Variants in FBXW8 observed in about 807,000 individuals in gnomAD.
FBXW8 encodes F-box and WD repeat domain containing 8.
A neutral mutation model predicts 65.3 loss-of-function variants in FBXW8; 57 were observed. That is an observed-to-expected ratio of 0.87 (90% CI 0.71 to 1.09). FBXW8 has a LOEUF of 1.09. Ranked by LOEUF, FBXW8 falls within the 50% of genes least tolerant of loss-of-function variation. The probability of loss-of-function intolerance (pLI) is 0.00; values close to 1 mark genes in which losing one functional copy is unlikely to be tolerated. For synonymous variants in FBXW8, 308 were observed against 330.2 expected (o/e 0.93, Z 0.73); for missense variants, 777 against 814.8 (o/e 0.95, Z 0.57).
intron 5 of FBXW8, among the ~76,000 whole-genome samples, chr12:116,981,102 G>A (rs1885275872): frequency 1.3e-5 from 2 of 152,316 alleles, no homozygotes; most frequent in South Asian, 4.1e-4. Context: ...TGTAGCTGAT[G>A]ATAATCAGCC....
intron 7 of FBXW8, among the ~76,000 whole-genome samples, chr12:117,001,270 C>A (rs554725876): frequency 3.3e-5 from 5 of 152,304 alleles, no homozygotes; most frequent in Non-Finnish European, 7.4e-5. Flanking sequence ...TGCCCTCCAC[C>A]AAAGGCCCTG....
chr12:116,943,779 G>A, intron 2 of FBXW8, among the ~76,000 whole-genome samples: 1 of 152,182 alleles, frequency 6.6e-6, no homozygotes. Context: ...CCATTTCCAA[G>A]CTTTTTCTTT....
intron 7 of FBXW8, among the ~76,000 whole-genome samples, chr12:117,007,645 G>A (rs185087108): frequency 1.5e-4 from 23 of 152,298 alleles, no homozygotes; most frequent in African/African-American, 5.1e-4. Flanking sequence ...GTACACCTCT[G>A]AGAATGAGTC....
chr12:117,024,632 A>G (rs1954183708), intron 9 of FBXW8, among the ~76,000 whole-genome samples: 1 of 152,230 alleles, frequency 6.6e-6, no homozygotes, highest in Admixed American at 6.5e-5. Context: ...TGCTATTCTG[A>G]TTATTTTAGG....
rs1954285845 is a variant in FBXW8 at position 117,028,207 on chromosome 12, G to A, written c.*35G>A. ...TCAGTTGGGAGCAAGGAGAAAAATG[G>A]GAAGAACCAGTTTTATCCATCTTAA... On this transcript the variant is annotated 3_prime_UTR_variant, in exon 11 of 11. Transcript: ENST00000652555. This position sits in a 1 kb window ranked among gnomAD's most constrained non-coding sequence, Gnocchi z 4.1. 6.2e-7 allele frequency: 1 copy of A among 1,609,832 alleles called. No homozygotes were observed. Among genetic ancestry groups the A allele is most frequent in the Non-Finnish European group, 8.5e-7 (1 of 1,177,398 alleles).
intron 7 of FBXW8, among the ~76,000 whole-genome samples, chr12:117,005,288 C>T (rs1258533978): frequency 6.6e-6 from 1 of 152,184 alleles, no homozygotes; most frequent in Non-Finnish European, 1.5e-5. Flanking sequence ...GTGTACCAAT[C>T]AGTGAGCCTC....
chr12:116,923,990 G>A (rs1326120844), intron 1 of FBXW8, among the ~76,000 whole-genome samples: 1 of 152,218 alleles, frequency 6.6e-6, no homozygotes, highest in East Asian at 1.9e-4. Flanking sequence ...TGGGATTACA[G>A]GCGTGAGCCA....
At chr12:116,938,526 T>G (rs1882317323) in intron 2 of FBXW8, among the ~76,000 whole-genome samples, 1 of 152,232 alleles carries the variant, frequency 6.6e-6, no homozygotes, top group African/African-American at 2.4e-5. Context: ...TTAAAATGAT[T>G]TGGCATTTTC....
At chr12:117,014,770 T>C (rs911242308) in intron 8 of FBXW8, among the ~76,000 whole-genome samples, 2 of 152,228 alleles carry the variant, frequency 1.3e-5, no homozygotes, top group African/African-American at 4.8e-5. Flanking sequence ...GTTGAGCTCT[T>C]AAAGCCGTTG....
At chr12:116,952,841 G>A (rs1027692274) in intron 4 of FBXW8, among the ~76,000 whole-genome samples, 31 of 152,110 alleles carry the variant, frequency 2.0e-4, no homozygotes, top group African/African-American at 6.8e-4. Flanking sequence ...AGGTTCAAGC[G>A]ATTCTCCTGC....
intron 7 of FBXW8, among the ~76,000 whole-genome samples, 184 bp downstream of exon 7, chr12:116,989,053 C>T (rs539721137): frequency 3.2e-4 from 48 of 152,290 alleles, no homozygotes; most frequent in African/African-American, 1.1e-3. Flanking sequence ...TCTTTCTCCT[C>T]CCTTCCCCCA....
chr12:116,911,354 TG>T lies in FBXW8; in HGVS notation c.318+1del. The part of the protein sequence containing the change: ...EQLVDQLIRD[L>X]NEMNDVPFFD... ...CTGGTGGACCAGCTCATCCGCGACC[TG>T]GTGAGTGGCCGTCGCCTCCCCCCCG... On this transcript the variant is annotated frameshift_variant and splice_region_variant, in exon 1 of 11. Transcript: ENST00000652555. LOFTEE classifies it high-confidence loss of function. 7.8e-7 allele frequency: 1 copy of T among 1,275,942 alleles called. No homozygotes were observed. The highest frequency in any genetic ancestry group is 2.8e-5 in the South Asian group (1 of 35,442). 79.0% of individuals were successfully genotyped at this position (1,275,942 alleles called of 1,614,324 possible). A position where few individuals can be genotyped will look rare whatever the true frequency, so the allele number is the denominator to read the frequency against.
At chr12:116,953,811 C>T (rs1208592925) in intron 4 of FBXW8, among the ~76,000 whole-genome samples, 1 of 144,380 alleles carries the variant, frequency 6.9e-6, no homozygotes, top group Non-Finnish European at 1.5e-5. Context: ...AACAAACAAA[C>T]AAAAAACAAG....
chr12:117,018,978 G>A (rs943103671), intron 8 of FBXW8, among the ~76,000 whole-genome samples: 1 of 152,146 alleles, frequency 6.6e-6, no homozygotes, highest in African/African-American at 2.4e-5. Flanking sequence ...AAACACTTCC[G>A]CTCCCCCTTT....
At chr12:116,965,264 G>A (rs1884244291) in intron 5 of FBXW8, among the ~76,000 whole-genome samples, 1 of 152,194 alleles carries the variant, frequency 6.6e-6, no homozygotes, top group Non-Finnish European at 1.5e-5. Context: ...GATAAATGTA[G>A]TTATAGAAAA....
At chr12:116,962,644 T>C (rs1884058303) in intron 4 of FBXW8, among the ~76,000 whole-genome samples, 1 of 152,378 alleles carries the variant, frequency 6.6e-6, no homozygotes. Context: ...CTGAATTCCC[T>C]TTATCTTTCT....
Position 116,961,715 on chromosome 12 carries a change from C to G in FBXW8, c.678-2982C>G, listed in dbSNP as rs11068268. Among the ~76,000 whole-genome samples the G allele has an allele frequency of 8.3e-3, 1,261 of 152,320 alleles. 59 individuals are homozygous for G. The South Asian group carries it at 0.11, about 13-fold the overall frequency. On this transcript the variant is annotated intron_variant, in intron 4 of 10. Coordinates refer to ENST00000652555, the MANE Select transcript of FBXW8 (RefSeq NM_153348.3). The surrounding 1 kb of genome is among the most constrained non-coding windows in gnomAD (Gnocchi z 4.4). ...GTAGGGAGATGAACAGTGAGATGAT[C>G]ACAGACATGCACCACTGCCATGACG...
chr12:116,923,041 C>T (rs1179471138), intron 1 of FBXW8, among the ~76,000 whole-genome samples: 1 of 152,004 alleles, frequency 6.6e-6, no homozygotes, highest in Non-Finnish European at 1.5e-5. Context: ...CCTGTCTCTA[C>T]TAAAAAATAC....
At chr12:116,933,263 A>C (rs1311583924) in intron 2 of FBXW8, among the ~76,000 whole-genome samples, 1 of 152,248 alleles carries the variant, frequency 6.6e-6, no homozygotes, top group East Asian at 1.9e-4. Context: ...CTTTACACAA[A>C]GTCAGCATTA....
Sources: gnomAD v4.1 joint callset for allele counts (sites outside exome capture counted in the v4.1 genomes callset) on GRCh38, gnomAD v4.1.1 for gene constraint, Gnocchi (gnomAD v3.1) non-coding constraint, MANE v1.5 for transcripts, NCBI Gene and HGNC (gene_info 2026-07-23, HGNC 2026-07-21) for gene names.